PACRG: variants seen among roughly 807,000 people sequenced by gnomAD.
PACRG encodes parkin coregulated.
PACRG carries 29 observed loss-of-function variants against 29.7 expected under a neutral mutation model. That is an observed-to-expected ratio of 0.98 (90% CI 0.73 to 1.33). PACRG has a LOEUF of 1.33. Among genes scored for constraint, PACRG ranks in the 40% most tolerant of loss-of-function variants. The pLI, the probability that PACRG is intolerant of heterozygous loss-of-function variation, is 0.00. For synonymous variants in PACRG, 116 were observed against 118.7 expected, an observed-to-expected ratio of 0.98 and a Z score of 0.15; for missense variants, 279 against 316.2, an observed-to-expected ratio of 0.88 and a Z score of 0.89.
chr6:163,300,839 C>CCGTGAGTTTAGTAGGGCCACG (rs1784963312), intron 4 of PACRG, among the ~76,000 whole-genome samples: 1 of 79,224 alleles, frequency 1.3e-5, no homozygotes, highest in African/African-American at 8.5e-5. Context: ...CCACTGCTTC[C>CCGTGAGTTTAGTAGGGCCACG]TCTCGTGAGT....
intron 2 of PACRG, among the ~76,000 whole-genome samples, chr6:162,987,364 C>T (rs566834027): frequency 6.6e-6 from 1 of 152,278 alleles, no homozygotes; most frequent in South Asian, 2.1e-4. Flanking sequence ...TCAGGTCTCC[C>T]AGCCATGGAT....
At chr6:162,821,672 C>G (rs1440734594) in intron 2 of PACRG, among the ~76,000 whole-genome samples, 1 of 152,128 alleles carries the variant, frequency 6.6e-6, no homozygotes, top group African/African-American at 2.4e-5. Flanking sequence ...AATTTTTAAA[C>G]ACAAAATATG....
chr6:162,829,089 C>A (rs1363318505), intron 2 of PACRG, among the ~76,000 whole-genome samples: 1 of 152,132 alleles, frequency 6.6e-6, no homozygotes, highest in African/African-American at 2.4e-5. Flanking sequence ...AATAGCCAAG[C>A]AAATCCATTT....
chr6:163,311,564 A>C (rs1157292183), intron 4 of PACRG, among the ~76,000 whole-genome samples: 1 of 152,218 alleles, frequency 6.6e-6, no homozygotes, highest in Middle Eastern at 3.2e-3. Flanking sequence ...CTCATGATTC[A>C]CCTGCTTCTC....
chr6:163,192,780 G>C (rs1426619072), intron 4 of PACRG, among the ~76,000 whole-genome samples: 1 of 152,152 alleles, frequency 6.6e-6, no homozygotes, highest in Admixed American at 6.5e-5. Flanking sequence ...AGATGGTTAG[G>C]CTGACTGGCT....
At chr6:163,081,001 G>T (rs948454383) in intron 3 of PACRG, among the ~76,000 whole-genome samples, 4 of 152,056 alleles carry the variant, frequency 2.6e-5, no homozygotes, top group African/African-American at 9.7e-5. Context: ...TACTTTAATT[G>T]CCTAGGAATA....
intron 2 of PACRG, among the ~76,000 whole-genome samples, chr6:162,849,948 C>A (rs184130664): frequency 1.3e-5 from 2 of 152,232 alleles, no homozygotes; most frequent in African/African-American, 4.8e-5. Flanking sequence ...TGTAGGGTAG[C>A]ATATTTCTAT....
chr6:163,307,243 G>T (rs780083106), intron 4 of PACRG, among the ~76,000 whole-genome samples: 3 of 152,286 alleles, frequency 2.0e-5, no homozygotes. Context: ...AGATGAAAAC[G>T]TTTCCTCAAG....
intron 2 of PACRG, among the ~76,000 whole-genome samples, chr6:162,870,699 A>T (rs1792730526): frequency 1.3e-5 from 2 of 152,194 alleles, no homozygotes; most frequent in Non-Finnish European, 2.9e-5. Context: ...GCTCTGGTTT[A>T]TCCATATATT....
chr6:163,176,752 G>A (rs943982792), intron 4 of PACRG, among the ~76,000 whole-genome samples: 7 of 152,316 alleles, frequency 4.6e-5, no homozygotes, highest in East Asian at 3.9e-4. Context: ...ACACTGGGCA[G>A]GTGGAAGAAA....
chr6:162,989,830 T>G (rs571486317), intron 2 of PACRG, among the ~76,000 whole-genome samples: 4 of 151,868 alleles, frequency 2.6e-5, no homozygotes, highest in Non-Finnish European at 5.9e-5. Flanking sequence ...GCTGGTGCGC[T>G]GCACCCACTA....
chr6:163,105,031 C>A (rs1815305383), intron 4 of PACRG, among the ~76,000 whole-genome samples: 1 of 151,884 alleles, frequency 6.6e-6, no homozygotes, highest in Non-Finnish European at 1.5e-5. Flanking sequence ...CTTCTATGAC[C>A]CTATTCCTGA....
chr6:162,934,471 G>C (rs2128109694), intron 2 of PACRG, among the ~76,000 whole-genome samples: 1 of 152,180 alleles, frequency 6.6e-6, no homozygotes, highest in Admixed American at 6.5e-5. Flanking sequence ...CTTTCAGAAA[G>C]TCTGTTTCCT....
At chr6:163,119,468 C>A (rs1816167657) in intron 4 of PACRG, among the ~76,000 whole-genome samples, 1 of 152,202 alleles carries the variant, frequency 6.6e-6, no homozygotes, top group Admixed American at 6.5e-5. Flanking sequence ...TGGTGCCCAG[C>A]AGCTCTAAGC....
At chr6:163,299,787 G>A (rs1281833481) in intron 4 of PACRG, among the ~76,000 whole-genome samples, 3 of 152,168 alleles carry the variant, frequency 2.0e-5, no homozygotes, top group Non-Finnish European at 4.4e-5. Flanking sequence ...GCTGAGCCAG[G>A]AGAATCGCTT....
intron 2 of PACRG, among the ~76,000 whole-genome samples, chr6:162,904,519 G>A (rs1584716338): frequency 6.6e-6 from 1 of 152,168 alleles, no homozygotes; most frequent in South Asian, 2.1e-4. Context: ...CCGTGCTGCC[G>A]CCCAACTCAA....
intron 4 of PACRG, among the ~76,000 whole-genome samples, chr6:163,286,518 T>A (rs533524205): frequency 2.6e-5 from 4 of 152,334 alleles, no homozygotes; most frequent in African/African-American, 9.6e-5. Context: ...TAAAAAACTT[T>A]AAGTCAGTCA....
chr6:162,769,692 G>A (rs181018889), intron 1 of PACRG, among the ~76,000 whole-genome samples: 403 of 150,984 alleles, frequency 2.7e-3, no homozygotes, highest in African/African-American at 9.3e-3. Flanking sequence ...AGCTCTGAAT[G>A]TCTAAATTTC....
At chr6:163,271,540 T>G (rs1585388847) in intron 4 of PACRG, among the ~76,000 whole-genome samples, 1 of 152,228 alleles carries the variant, frequency 6.6e-6, no homozygotes, top group East Asian at 1.9e-4. Flanking sequence ...GGAATTATCC[T>G]AATGCAAGGT....
Sources: allele counts gnomAD v4.1 joint callset (sites outside exome capture counted in the v4.1 genomes callset), GRCh38; gene constraint gnomAD v4.1.1; transcripts MANE v1.5; gene names NCBI Gene and HGNC (gene_info 2026-07-23, HGNC 2026-07-21).